COL25A1: variants seen among roughly 807,000 people sequenced by gnomAD.
COL25A1 encodes the protein collagen type XXV alpha 1 chain, also known as collagen alpha-1(XXV) chain.
A neutral mutation model predicts 128.4 loss-of-function variants in COL25A1; 103 were observed. That is an observed-to-expected ratio of 0.80 (90% CI 0.68 to 0.94). The LOEUF (loss-of-function observed/expected upper bound fraction) is 0.94, where lower values mean the gene tolerates loss of function less well. Ranked by LOEUF, COL25A1 falls within the 40% of genes least tolerant of loss-of-function variation. The probability of loss-of-function intolerance (pLI) is 0.00; values close to 1 mark genes in which losing one functional copy is unlikely to be tolerated. For synonymous variants in COL25A1, 279 were observed against 277.2 expected, an observed-to-expected ratio of 1.01 and a Z score of -0.06; for missense variants, 745 against 840.0, an observed-to-expected ratio of 0.89 and a Z score of 1.40.
chr4:108,963,736 T>C (rs1283193840), intron 8 of COL25A1, among the ~76,000 whole-genome samples: 7 of 152,008 alleles, frequency 4.6e-5, no homozygotes, highest in Non-Finnish European at 7.4e-5. Context: ...ATGTAACCAA[T>C]ATTTTATAAA....
In COL25A1 at chr4:108,810,092, A is replaced by C. The variant is rs1730673952; in HGVS notation, c.*3835T>G. On this transcript the variant is annotated 3_prime_UTR_variant, in exon 38 of 38. Coordinates refer to ENST00000399132, the MANE Select transcript of COL25A1 (RefSeq NM_198721.4). ...TGATCACTTATTAGAAGATGTTAAAACACCACCAAAGTATAGCCCTACTCT... is the reference window on the plus strand; with the variant it reads ...TGATCACTTATTAGAAGATGTTAAACCACCACCAAAGTATAGCCCTACTCT... 1 of 151,980 alleles carries C rather than the reference A, an allele frequency of 6.6e-6. No individual in the cohort carries two copies. Among genetic ancestry groups the C allele is most frequent in the Admixed American group, 6.6e-5 (1 of 15,264 alleles). 9.4% of individuals were successfully genotyped at this position (151,980 alleles called of 1,614,324 possible).
intron 3 of COL25A1, among the ~76,000 whole-genome samples, chr4:109,146,223 G>A (rs567296994): frequency 6.6e-6 from 1 of 152,216 alleles, no homozygotes; most frequent in South Asian, 2.1e-4. Context: ...AAGTAAAAAT[G>A]TATTTTCTAA....
intron 3 of COL25A1, among the ~76,000 whole-genome samples, chr4:109,201,682 A>T (rs1347761569): frequency 6.6e-6 from 1 of 152,192 alleles, no homozygotes; most frequent in Non-Finnish European, 1.5e-5. Context: ...ATAGACTGGG[A>T]AGGAAAACTT....
intron 19 of COL25A1, among the ~76,000 whole-genome samples, chr4:108,873,008 T>C (rs889649466): frequency 3.3e-5 from 5 of 152,180 alleles, no homozygotes; most frequent in South Asian, 2.1e-4. Flanking sequence ...TCGTCCCACC[T>C]CAGCTTCCTG....
chr4:108,924,635 C>T (rs139340770), intron 11 of COL25A1, among the ~76,000 whole-genome samples: 172 of 152,290 alleles, frequency 1.1e-3, no homozygotes, highest in South Asian at 1.9e-3. Context: ...GCTAACGTAA[C>T]GTTCACCTAA....
chr4:109,223,681 C>T (rs1175473170), intron 3 of COL25A1, among the ~76,000 whole-genome samples: 3 of 151,902 alleles, frequency 2.0e-5, no homozygotes, highest in Non-Finnish European at 4.4e-5. Flanking sequence ...GTCAGAACTC[C>T]TTGGAGTACA....
chr4:108,913,776 C>T (rs914807091), intron 13 of COL25A1, among the ~76,000 whole-genome samples: 1 of 152,036 alleles, frequency 6.6e-6, no homozygotes, highest in African/African-American at 2.4e-5. Flanking sequence ...ATCTATTTTG[C>T]CAAAAAATTA....
At chr4:108,875,654 C>T (rs553742587) in intron 19 of COL25A1, among the ~76,000 whole-genome samples, 18 of 152,220 alleles carry the variant, frequency 1.2e-4, no homozygotes, top group East Asian at 7.7e-4. Context: ...GACAGTGTGG[C>T]GACTCCTCAA....
chr4:109,167,606 T>G (rs1379349004), intron 3 of COL25A1, among the ~76,000 whole-genome samples: 2 of 152,166 alleles, frequency 1.3e-5, no homozygotes, highest in African/African-American at 4.8e-5. Flanking sequence ...TCTATTTTTC[T>G]AAAATCAGCT....
intron 3 of COL25A1, among the ~76,000 whole-genome samples, chr4:109,220,082 G>C (rs1275705850): frequency 6.6e-6 from 1 of 152,076 alleles, no homozygotes; most frequent in Non-Finnish European, 1.5e-5. Flanking sequence ...CCATATCAGA[G>C]CCACCAACTG....
At chr4:109,088,695 AGACAG>A (rs1764632273) in intron 3 of COL25A1, among the ~76,000 whole-genome samples, 1 of 152,184 alleles carries the variant, frequency 6.6e-6, no homozygotes, top group African/African-American at 2.4e-5. Context: ...GTAGTAAGTG[AGACAG>A]TTTCTCTGCT....
chr4:108,812,731 T>C lies in COL25A1; in HGVS notation c.*1196A>G, dbSNP rs1730896662. The C allele has an allele frequency of 2.0e-5, 3 of 152,212 alleles. No individual in the cohort carries two copies. Among genetic ancestry groups the C allele is most frequent in the Non-Finnish European group, 4.4e-5 (3 of 68,030 alleles). The allele number at this position is 152,212 out of a possible 1,614,324, so 9.4% of individuals were successfully genotyped here. A position where few individuals can be genotyped will look rare whatever the true frequency, so the allele number is the denominator to read the frequency against. On this transcript the variant is annotated 3_prime_UTR_variant, in exon 38 of 38. Transcript: ENST00000399132. ...GTTTCTCAAACTTTGTAGGAAATGTTTGACATGGTTGGATCGTAGGAGGAA... is the reference window on the plus strand; with the variant it reads ...GTTTCTCAAACTTTGTAGGAAATGTCTGACATGGTTGGATCGTAGGAGGAA...
At chr4:109,156,305 G>C (rs2126110555) in intron 3 of COL25A1, among the ~76,000 whole-genome samples, 1 of 152,296 alleles carries the variant, frequency 6.6e-6, no homozygotes, top group African/African-American at 2.4e-5. Context: ...GGCTTCCCTG[G>C]ACTAAAATGA....
chr4:109,251,336 C>T (rs1003862585), intron 3 of COL25A1, among the ~76,000 whole-genome samples: 1 of 152,138 alleles, frequency 6.6e-6, no homozygotes, highest in Non-Finnish European at 1.5e-5. Context: ...GTTTCTTTAC[C>T]TGGTAGAGTG....
intron 3 of COL25A1, among the ~76,000 whole-genome samples, chr4:109,277,996 A>T (rs1381374254): frequency 6.6e-6 from 1 of 152,038 alleles, no homozygotes; most frequent in South Asian, 2.1e-4. Flanking sequence ...TTAGCCAGGC[A>T]TGGTGGCACA....
intron 3 of COL25A1, among the ~76,000 whole-genome samples, chr4:109,116,257 A>C (rs28721408): frequency 6.6e-6 from 1 of 151,872 alleles, no homozygotes; most frequent in Non-Finnish European, 1.5e-5. Flanking sequence ...ATGCTTTCAG[A>C]TGAAGGAGGG....
At chr4:109,299,906 T>C (rs569367047) in intron 3 of COL25A1, among the ~76,000 whole-genome samples, 15 of 152,248 alleles carry the variant, frequency 9.9e-5, no homozygotes, top group Admixed American at 2.6e-4. Context: ...ATGATGTCCT[T>C]CTTCTCTGTC....
intron 3 of COL25A1, among the ~76,000 whole-genome samples, chr4:109,274,283 A>G (rs1463438835): frequency 6.6e-6 from 1 of 152,198 alleles, no homozygotes; most frequent in African/African-American, 2.4e-5. Flanking sequence ...TTTTCTGTGT[A>G]CAAATTACTT....
chr4:108,812,598 A>C lies in COL25A1; in HGVS notation c.*1329T>G, dbSNP rs1239108779. 1.3e-5 allele frequency: 2 copies of C among 152,030 alleles called. No homozygotes were observed. Among genetic ancestry groups the C allele is most frequent in the Non-Finnish European group, 2.9e-5 (2 of 67,918 alleles). 9.4% of individuals were successfully genotyped at this position (152,030 alleles called of 1,614,324 possible). ...TATTATGATTTGAAGACTTCTTAAA[A>C]AAATTGTTCAAAACATATGTGACAA... On this transcript the variant is annotated 3_prime_UTR_variant, in exon 38 of 38. Coordinates refer to ENST00000399132, the MANE Select transcript of COL25A1 (RefSeq NM_198721.4).
Sources: allele counts gnomAD v4.1 joint callset (sites outside exome capture counted in the v4.1 genomes callset), GRCh38; gene constraint gnomAD v4.1.1; transcripts MANE v1.5; gene names NCBI Gene and HGNC (gene_info 2026-07-23, HGNC 2026-07-21).